Variants in ERC1 observed in about 807,000 individuals in gnomAD.
The protein encoded by ERC1 is RAB6 interacting protein 2.
ERC1 carries 56 observed loss-of-function variants against 132.0 expected under a neutral mutation model. That is an observed-to-expected ratio of 0.42 (90% CI 0.34 to 0.53). The LOEUF (loss-of-function observed/expected upper bound fraction) is 0.53. ERC1 is among the 20% of genes least tolerant of loss of function. The probability of loss-of-function intolerance (pLI) is 0.03; values close to 1 mark genes in which losing one functional copy is unlikely to be tolerated. For synonymous variants in ERC1, 478 were observed against 476.1 expected (o/e 1.00, Z -0.05); for missense variants, 1,202 against 1,349.9 (o/e 0.89, Z 1.72).
chr12:1,350,076 G>A (rs1407276018), intron 15 of ERC1, among the ~76,000 whole-genome samples: 1 of 152,190 alleles, frequency 6.6e-6, no homozygotes, highest in Non-Finnish European at 1.5e-5. Context: ...TAAAGGATGA[G>A]GGAAAAATTC....
chr12:1,265,463 A>C (rs1028044347), intron 14 of ERC1, among the ~76,000 whole-genome samples: 12 of 152,222 alleles, frequency 7.9e-5, no homozygotes, highest in African/African-American at 2.4e-4. Context: ...TTGAGCAGAA[A>C]GTGCAAAGAG....
chr12:1,434,455 T>A (rs2092894052), intron 17 of ERC1, among the ~76,000 whole-genome samples: 1 of 152,260 alleles, frequency 6.6e-6, no homozygotes, highest in Non-Finnish European at 1.5e-5. Flanking sequence ...TCTAGATGTG[T>A]ACACCATGTA....
intron 13 of ERC1, among the ~76,000 whole-genome samples, chr12:1,262,062 TA>T (rs1177533579): frequency 2.0e-5 from 3 of 152,162 alleles, no homozygotes; most frequent in African/African-American, 7.2e-5. Context: ...TTAGATAAAA[TA>T]AAAAATTCTT....
rs201281749 is a variant in ERC1, at chr12:1,141,762, G to A, written c.1712G>A (p.Arg571Gln). ...DLKDMLDVKERKVNVLQKKIE... is the reference protein window; with the variant it reads ...DLKDMLDVKEQKVNVLQKKIE... ...AAGGACATGTTGGATGTGAAGGAGC[G>A]GAAGGTTAATGTTCTTCAGAAGAAG... is the stretch of plus-strand genomic sequence containing the variant. The change falls in exon 8 of 19, where the codon CGG becomes CAG. Residue 571 changes from arginine (R) to glutamine (Q), a missense_variant. Transcript: ENST00000360905. 8.1e-5 allele frequency: 130 copies of A among 1,607,544 alleles called. No homozygotes were observed. Among genetic ancestry groups the A allele is most frequent in the East Asian group, 5.4e-4 (24 of 44,606 alleles).
rs1378322366 is a variant in ERC1, at chr12:1,263,062, T to C, written c.2516T>C (p.Ile839Thr). ...QDSLRKKDDR[I>T]EELEEALRES... ...AGTCTCCGTAAGAAGGATGACAGGA[T>C]TGAAGAGCTGGAAGAAGCACTAAGA... Residue 839 changes from isoleucine to threonine, a missense_variant, in exon 14 of 19, where the codon ATT becomes ACT. Coordinates refer to ENST00000360905, the MANE Select transcript of ERC1 (RefSeq NM_178040.4). 6.2e-7 allele frequency: 1 copy of C among 1,614,050 alleles called. No individual in the cohort carries two copies. Among genetic ancestry groups the C allele is most frequent in the Admixed American group, 1.7e-5 (1 of 60,012 alleles).
chr12:1,471,902 A>G (rs2093869580), intron 18 of ERC1, among the ~76,000 whole-genome samples: 1 of 152,230 alleles, frequency 6.6e-6, no homozygotes, highest in Non-Finnish European at 1.5e-5. Context: ...GCCAGGCGTG[A>G]TAGATACATA....
At chr12:1,008,822 T>C (rs1223295603) in intron 1 of ERC1, among the ~76,000 whole-genome samples, 1 of 152,200 alleles carries the variant, frequency 6.6e-6, no homozygotes, top group African/African-American at 2.4e-5. Context: ...GTTTTTAAAG[T>C]TTCAATTCCC....
At chr12:1,316,093 T>G (rs1470972052) in intron 15 of ERC1, among the ~76,000 whole-genome samples, 3 of 152,184 alleles carry the variant, frequency 2.0e-5, no homozygotes, top group Non-Finnish European at 4.4e-5. Flanking sequence ...TTTCACCGTG[T>G]TAGGCAGATG....
Position 1,490,129 on chromosome 12 carries a change from G to C in ERC1, c.3250G>C (p.Ala1084Pro). ...GTTAGAGAAAGGTGAACGGGACAAT[G>C]CAGAACTGCAGGAGTTTGCCAACGC... ...DELEKGERDNAELQEFANAIL... is the reference protein window; with the variant it reads ...DELEKGERDNPELQEFANAIL... The change falls in exon 19 of 19, where the codon GCA (alanine) becomes CCA (proline). Residue 1084 changes from alanine (A) to proline (P), a missense_variant. Ala to Pro is a conservative substitution (Grantham distance 27). Coordinates refer to ENST00000360905, the MANE Select transcript of ERC1 (RefSeq NM_178040.4). The C allele has an allele frequency of 6.2e-7, 1 of 1,614,188 alleles. No individual in the cohort carries two copies. The highest frequency in any genetic ancestry group is 8.5e-7 in the Non-Finnish European group (1 of 1,180,026).
chr12:1,383,999 A>G (rs887313625), intron 16 of ERC1, among the ~76,000 whole-genome samples: 1 of 152,202 alleles, frequency 6.6e-6, no homozygotes, highest in Non-Finnish European at 1.5e-5. Flanking sequence ...GGCAGGATTC[A>G]GAGCCGATCA....
chr12:1,293,265 T>C (rs1460468170), intron 15 of ERC1, among the ~76,000 whole-genome samples: 1 of 150,354 alleles, frequency 6.7e-6, no homozygotes, highest in African/African-American at 2.4e-5. Context: ...CCATCCTGGC[T>C]AACACGGTGA....
At chr12:1,326,206 G>C (rs1360842567) in intron 15 of ERC1, among the ~76,000 whole-genome samples, 4 of 152,164 alleles carry the variant, frequency 2.6e-5, no homozygotes, top group African/African-American at 9.6e-5. Context: ...GACTGGTAAA[G>C]TGAACAAGGT....
At chr12:1,316,177 G>A (rs902790460) in intron 15 of ERC1, among the ~76,000 whole-genome samples, 4 of 152,110 alleles carry the variant, frequency 2.6e-5, no homozygotes, top group Admixed American at 6.5e-5. Flanking sequence ...TTGAGCCACC[G>A]CGCCCGGCTG....
At chr12:1,316,179 G>A (rs1210503211) in intron 15 of ERC1, among the ~76,000 whole-genome samples, 2 of 152,154 alleles carry the variant, frequency 1.3e-5, no homozygotes, top group East Asian at 1.9e-4. Flanking sequence ...GAGCCACCGC[G>A]CCCGGCTGGT....
At chr12:1,403,872 A>G (rs2091274442) in intron 16 of ERC1, among the ~76,000 whole-genome samples, 1 of 152,232 alleles carries the variant, frequency 6.6e-6, no homozygotes, top group African/African-American at 2.4e-5. Flanking sequence ...TGTTAAAGTC[A>G]ACATGGAAAG....
chr12:1,019,376 C>T (rs1965988921), intron 1 of ERC1, among the ~76,000 whole-genome samples: 1 of 152,200 alleles, frequency 6.6e-6, no homozygotes, highest in African/African-American at 2.4e-5. Context: ...CATCCTGCCT[C>T]GGGTTCCCGA....
At chr12:1,121,729 A>G (rs1456046673) in intron 7 of ERC1, among the ~76,000 whole-genome samples, 28 of 6,130 alleles carry the variant, frequency 4.6e-3, no homozygotes, top group Non-Finnish European at 7.7e-3. Flanking sequence ...CTCTATCTCT[A>G]TCTCTATCTC....
chr12:1,053,607 G>A (rs1206011586), intron 2 of ERC1, among the ~76,000 whole-genome samples: 1 of 152,098 alleles, frequency 6.6e-6, no homozygotes, highest in Non-Finnish European at 1.5e-5. Context: ...TATTTTTCAT[G>A]AAATTATTCT....
chr12:1,337,990 T>C (rs1260132576), intron 15 of ERC1, among the ~76,000 whole-genome samples: 1 of 152,232 alleles, frequency 6.6e-6, no homozygotes, highest in African/African-American at 2.4e-5. Context: ...ATCTTAACTT[T>C]CAAGAACCTT....
Sources: gnomAD v4.1 joint callset for allele counts (sites outside exome capture counted in the v4.1 genomes callset) on GRCh38, gnomAD v4.1.1 for gene constraint, MANE v1.5 for transcripts, NCBI Gene and HGNC (gene_info 2026-07-23, HGNC 2026-07-21) for gene names.